ARHGAP12: variants seen among roughly 807,000 people sequenced by gnomAD.
ARHGAP12 encodes rho GTPase-activating protein 12.
Under a neutral mutation model 108.6 loss-of-function variants are expected in ARHGAP12, and 64 were observed. The ratio of observed to expected loss-of-function variants is 0.59; its 90% confidence interval spans 0.48 to 0.73. The LOEUF (loss-of-function observed/expected upper bound fraction) is 0.73. Ranked by LOEUF, ARHGAP12 falls within the 30% of genes least tolerant of loss-of-function variation. The pLI is 0.00. For synonymous variants in ARHGAP12, 312 were observed against 337.2 expected (o/e 0.93, Z 0.82); for missense variants, 940 against 1,005.9 (o/e 0.93, Z 0.89).
intron 3 of ARHGAP12, among the ~76,000 whole-genome samples, chr10:31,871,060 G>C (rs980157595): frequency 6.6e-6 from 1 of 152,132 alleles, no homozygotes; most frequent in Non-Finnish European, 1.5e-5. Flanking sequence ...TAGAAGCACA[G>C]AAAAACTCAG....
At chr10:31,833,936 A>G (rs1405878971) in intron 9 of ARHGAP12, among the ~76,000 whole-genome samples, 1 of 152,232 alleles carries the variant, frequency 6.6e-6, no homozygotes, top group Non-Finnish European at 1.5e-5. Flanking sequence ...AAGAAAGGGT[A>G]GCATGACCAG....
chr10:31,862,717 C>CACACAG (rs933859358), intron 3 of ARHGAP12, among the ~76,000 whole-genome samples: 17 of 129,268 alleles, frequency 1.3e-4, no homozygotes, highest in Middle Eastern at 4.0e-3. Context: ...CACACACACA[C>CACACAG]ACACACACAC....
At chr10:31,890,856 C>G (rs1445934279) in intron 3 of ARHGAP12, among the ~76,000 whole-genome samples, 1 of 152,148 alleles carries the variant, frequency 6.6e-6, no homozygotes, top group Non-Finnish European at 1.5e-5. Flanking sequence ...AAATCCCATT[C>G]CTCAAGCACT....
intron 3 of ARHGAP12, among the ~76,000 whole-genome samples, chr10:31,905,428 A>C (rs2132446657): frequency 6.6e-6 from 1 of 152,332 alleles, no homozygotes; most frequent in African/African-American, 2.4e-5. Context: ...TGAAACCATG[A>C]GTATCTTTAG....
chr10:31,897,804 A>C (rs1413796455), intron 3 of ARHGAP12, among the ~76,000 whole-genome samples: 1 of 152,214 alleles, frequency 6.6e-6, no homozygotes, highest in Middle Eastern at 3.2e-3. Context: ...TGTGGCACAG[A>C]TGGAACTATT....
intron 3 of ARHGAP12, among the ~76,000 whole-genome samples, chr10:31,896,481 T>C (rs1000807455): frequency 1.3e-5 from 2 of 152,128 alleles, no homozygotes; most frequent in Admixed American, 6.6e-5. Context: ...TCTGGCATCG[T>C]GTCAGCCTCA....
At chr10:31,871,542 C>G (rs905998433) in intron 3 of ARHGAP12, among the ~76,000 whole-genome samples, 2 of 152,290 alleles carry the variant, frequency 1.3e-5, no homozygotes, top group Non-Finnish European at 2.9e-5. Flanking sequence ...GTCACCATTT[C>G]TCCCGCCTCC....
intron 3 of ARHGAP12, among the ~76,000 whole-genome samples, chr10:31,866,718 C>G (rs112926990): frequency 0.014 from 2,104 of 152,036 alleles, 50 homozygotes; most frequent in African/African-American, 0.048. Flanking sequence ...CTGTTTCAAG[C>G]GATTCTCCTG....
chr10:31,816,176 T>TGTGTGTGTGG (rs1835197432), intron 13 of ARHGAP12, among the ~76,000 whole-genome samples: 1 of 146,186 alleles, frequency 6.8e-6, no homozygotes, highest in Non-Finnish European at 1.5e-5. Context: ...AACGTGTGTG[T>TGTGTGTGTGG]GTGTGTGTGT....
intron 3 of ARHGAP12, among the ~76,000 whole-genome samples, chr10:31,900,549 C>T (rs189399041): frequency 6.6e-6 from 1 of 152,292 alleles, no homozygotes; most frequent in East Asian, 1.9e-4. Context: ...CATGAGAAGG[C>T]ATGGATGAAT....
intron 6 of ARHGAP12, among the ~76,000 whole-genome samples, chr10:31,851,148 T>C (rs895874261): frequency 6.6e-6 from 1 of 152,168 alleles, no homozygotes; most frequent in South Asian, 2.1e-4. Context: ...ACTAATATGT[T>C]AAGCTGAAAA....
At chr10:31,852,705 T>C in intron 5 of ARHGAP12, 108 bp from the exon 6 acceptor site, 1 of 595,116 alleles carries the variant, frequency 1.7e-6, no homozygotes, top group South Asian at 1.9e-5. Context: ...TTCTACTTGA[T>C]CAAGAACATT....
chr10:31,862,775 G>A (rs1837177116), intron 3 of ARHGAP12, among the ~76,000 whole-genome samples: 1 of 149,866 alleles, frequency 6.7e-6, no homozygotes, highest in Admixed American at 6.6e-5. Context: ...CAACTGAAAA[G>A]CCTCCAGACA....
intron 11 of ARHGAP12, among the ~76,000 whole-genome samples, chr10:31,823,135 G>A (rs755587293): frequency 6.6e-6 from 1 of 152,040 alleles, no homozygotes; most frequent in African/African-American, 2.4e-5. Flanking sequence ...CCACTACTAC[G>A]TAAGCTTTGA....
chr10:31,808,982 T>C lies in ARHGAP12; in HGVS notation c.2263+12A>G. ...AATATCTAGAAAAAACTGAGTAGAA[T>C]TACATACTTACTAATTGCATTAACA... On this transcript the variant is annotated intron_variant, in intron 18 of 19. Transcript: ENST00000344936. 1 of 1,564,780 alleles carries C rather than the reference T, an allele frequency of 6.4e-7. No individual in the cohort carries two copies. Among genetic ancestry groups the C allele is most frequent in the Non-Finnish European group, 8.7e-7 (1 of 1,145,952 alleles).
chr10:31,888,373 T>C (rs1305040573), intron 3 of ARHGAP12, among the ~76,000 whole-genome samples: 3 of 152,180 alleles, frequency 2.0e-5, no homozygotes, highest in Non-Finnish European at 4.4e-5. Flanking sequence ...ACAGACTCTT[T>C]CTCTGAGATT....
At chr10:31,922,548 T>G (rs1402201983) in intron 1 of ARHGAP12, among the ~76,000 whole-genome samples, 3 of 151,902 alleles carry the variant, frequency 2.0e-5, no homozygotes, top group Non-Finnish European at 2.9e-5. Flanking sequence ...GGACTACAGG[T>G]GCATGCTACC....
intron 10 of ARHGAP12, among the ~76,000 whole-genome samples, chr10:31,827,648 AG>A (rs1342038304): frequency 2.0e-5 from 3 of 152,108 alleles, no homozygotes; most frequent in Non-Finnish European, 4.4e-5. Flanking sequence ...AAAATTAGCC[AG>A]GCGTGGTGGC....
chr10:31,916,861 C>T (rs1275030265), intron 1 of ARHGAP12, among the ~76,000 whole-genome samples: 4 of 151,918 alleles, frequency 2.6e-5, no homozygotes, highest in East Asian at 2.0e-4. Context: ...GTGATCCGCC[C>T]GCCTTGGCCT....
Sources: allele counts gnomAD v4.1 joint callset (sites outside exome capture counted in the v4.1 genomes callset), GRCh38; gene constraint gnomAD v4.1.1; transcripts MANE v1.5; gene names NCBI Gene and HGNC (gene_info 2026-07-23, HGNC 2026-07-21).